HTT: variants seen among roughly 807,000 people sequenced by gnomAD.
The protein encoded by HTT is huntingtin.
Under a neutral mutation model 362.3 loss-of-function variants are expected in HTT, and 104 were observed. That is an observed-to-expected ratio of 0.29 (90% confidence interval 0.24 to 0.34). The LOEUF is 0.34. Ranked by LOEUF, HTT falls within the 10% of genes least tolerant of loss-of-function variation. The pLI is 1.00. For synonymous variants in HTT, 1,577 were observed against 1,548.7 expected (o/e 1.02, Z -0.43); for missense variants, 3,301 against 3,928.6 (o/e 0.84, Z 4.27).
chr4:3,121,460 C>G (rs773130618), intron 9 of HTT, 28 bp downstream of exon 9: 1 of 1,518,546 alleles, frequency 6.6e-7, no homozygotes, highest in East Asian at 2.3e-5. Flanking sequence ...TCTACTCTTA[C>G]AATTAACTTT....
rs777646822 is a variant in HTT, at chr4:3,176,025, G to GTTTT, written c.4407+924_4407+927dup. Among the ~76,000 whole-genome samples, 446 of 139,070 alleles carry GTTTT rather than the reference G, an allele frequency of 3.2e-3. 19 individuals carry two copies. The highest frequency in any genetic ancestry group is 0.01 in the African/African-American group (344 of 33,660). The allele number at this position is 139,070 out of a possible 152,430, so 91.2% of individuals were successfully genotyped here. The stretch of plus-strand genomic sequence containing the variant: ...CTTGTTTTTTTTGTTGTTGTTGTTT[G>GTTTT]TTTTTTTTTGTTTTTTTTTTGAGAT... On this transcript the variant is annotated intron_variant, in intron 33 of 66. Coordinates refer to ENST00000355072, the MANE Select transcript of HTT (RefSeq NM_001388492.1).
intron 39 of HTT, chr4:3,188,100 C>T (rs1384161822): frequency 2.0e-6 from 1 of 496,110 alleles, no homozygotes; most frequent in Non-Finnish European, 3.6e-6. Context: ...TGTCTCTTGT[C>T]CTCAGTAGAG....
In HTT at chr4:3,206,839, G is replaced by C; in HGVS notation, c.5931G>C (p.Leu1977Phe). The change falls in exon 44 of 67, where the codon TTG (leucine) becomes TTC (phenylalanine). Residue 1977 changes from leucine (L) to phenylalanine (F), a missense_variant. By Grantham distance (22) the Leu-to-Phe change is conservative (BLOSUM62 0). Around this residue, in one of 4 missense-constraint regions of HTT, gnomAD observed 2,316 missense variants for 2,658.5 expected, o/e 0.87. Transcript: ENST00000355072. The surrounding 1 kb of genome is among the most constrained non-coding windows in gnomAD (Gnocchi z 4.6). ...PTMLKKTLQC[L>F]EGIHLSQSGA... ...TGCTGAAGAAAACTCTTCAGTGCTT[G>C]GAGGGGATCCATCTCAGCCAGTCGG... 1.2e-6 allele frequency: 2 copies of C among 1,610,794 alleles called. No individual in the cohort carries two copies. The highest frequency in any genetic ancestry group is 1.7e-6 in the Non-Finnish European group (2 of 1,177,692).
chr4:3,154,510 TAAA>T (rs1263775318), intron 27 of HTT, 91 bp downstream of exon 27: 6 of 1,503,170 alleles, frequency 4.0e-6, no homozygotes, highest in Non-Finnish European at 5.4e-6. Flanking sequence ...TTTAGAGAAA[TAAA>T]TATAATACAC....
At chr4:3,099,192 C>A in intron 2 of HTT, 82 bp from the exon 3 acceptor site, 1 of 874,482 alleles carries the variant, frequency 1.1e-6, no homozygotes, top group Non-Finnish European at 1.8e-6. Context: ...GAATTCCATG[C>A]AGGACACCGG....
chr4:3,210,087 A>C (rs896282418), intron 47 of HTT, 138 bp downstream of exon 47: 1 of 1,075,032 alleles, frequency 9.3e-7, no homozygotes, highest in African/African-American at 1.6e-5. Context: ...GGGATGTCGG[A>C]GAGACTCCAC....
intron 2 of HTT, among the ~76,000 whole-genome samples, chr4:3,094,641 CCGGACGGGGCGGG>C (rs1713732019): frequency 1.4e-5 from 2 of 142,138 alleles, no homozygotes; most frequent in African/African-American, 2.7e-5. Flanking sequence ...CCCCCACCTC[CCGGACGGGGCGGG>C]TGGCCGGGCG....
chr4:3,088,168 G>A (rs1713309948), intron 2 of HTT, among the ~76,000 whole-genome samples: 2 of 147,308 alleles, frequency 1.4e-5, no homozygotes, highest in South Asian at 2.2e-4. Context: ...ATTTCCTCTT[G>A]GCCATTGCTT....
In HTT at chr4:3,229,994, T is replaced by C. The variant is rs754217156; in HGVS notation, c.8217T>C (p.Ala2739=). The C allele has an allele frequency of 1.2e-6, 2 of 1,614,060 alleles. No homozygotes were observed. The highest frequency in any genetic ancestry group is 1.1e-5 in the South Asian group (1 of 91,086). ...ACCCTTCAGAAGACGAGATCCTCGCTCAGTACCTGGTGCCTGCCACCTGCA... is the reference window on the plus strand; with the variant it reads ...ACCCTTCAGAAGACGAGATCCTCGCCCAGTACCTGGTGCCTGCCACCTGCA... The part of the protein sequence containing the change: ...RVHPSEDEIL[A]QYLVPATCKA... The change falls in exon 60 of 67, where the codon GCT becomes GCC. Residue 2739 remains alanine, a synonymous_variant. Transcript: ENST00000355072.
At chr4:3,116,297 GT>G in intron 8 of HTT, 34 bp downstream of exon 8, 3 of 1,530,796 alleles carry the variant, frequency 2.0e-6, no homozygotes, top group Non-Finnish European at 2.7e-6. Flanking sequence ...GGCCCTGCAT[GT>G]GAATGACTGA....
At chr4:3,097,922 A>G (rs1456938352) in intron 2 of HTT, among the ~76,000 whole-genome samples, 1 of 152,202 alleles carries the variant, frequency 6.6e-6, no homozygotes, top group African/African-American at 2.4e-5. Context: ...AGGTTTTCTG[A>G]TGAAAATTTA....
chr4:3,103,806 T>A lies in HTT; in HGVS notation c.469-18T>A. On this transcript the variant is annotated intron_variant, in intron 3 of 66. Transcript: ENST00000355072. ...TGATGGGATGTGTCTTCCATAAATC[T>A]CTTGTGATTTGTTGTAGGCTTTGAT... The A allele has an allele frequency of 2.6e-6, 4 of 1,537,302 alleles. No homozygotes were observed. The highest frequency in any genetic ancestry group is 3.6e-6 in the Non-Finnish European group (4 of 1,113,518).
chr4:3,240,068 G>T lies in HTT; in HGVS notation c.*9G>T, dbSNP rs773493298. The T allele has an allele frequency of 6.3e-7, 1 of 1,575,852 alleles. No individual in the cohort carries two copies. The highest frequency in any genetic ancestry group is 2.3e-5 in the East Asian group (1 of 43,724). On this transcript the variant is annotated 3_prime_UTR_variant, in exon 67 of 67. Transcript: ENST00000355072. ...AGGTCACCACCTGCTGAGCGCCATG[G>T]TGGGAGAGACTGTGAGGCGGCAGCT...
chr4:3,123,955 G>A (rs897422631), intron 10 of HTT, among the ~76,000 whole-genome samples: 77 of 152,132 alleles, frequency 5.1e-4, no homozygotes, highest in African/African-American at 1.8e-3. Flanking sequence ...TTTGTGTCAT[G>A]ATTTGAGTAT....
chr4:3,178,949 C>G (rs889911092), intron 35 of HTT, among the ~76,000 whole-genome samples: 1 of 152,158 alleles, frequency 6.6e-6, no homozygotes, highest in Non-Finnish European at 1.5e-5. Flanking sequence ...GCTGTGCAAG[C>G]CCCCAGCCTG....
chr4:3,191,747 A>G (rs1719022637), intron 40 of HTT, among the ~76,000 whole-genome samples: 1 of 152,222 alleles, frequency 6.6e-6, no homozygotes, highest in Admixed American at 6.5e-5. Flanking sequence ...AGAACTAAAC[A>G]TGTAATTCAG....
intron 2 of HTT, among the ~76,000 whole-genome samples, chr4:3,095,107 T>G (rs990821386): frequency 2.6e-5 from 4 of 152,144 alleles, no homozygotes; most frequent in Admixed American, 2.6e-4. Context: ...GAAACGCTCC[T>G]CACTTCCTAG....
Position 3,074,938 on chromosome 4 carries a change from A to AGCAGCAGCC in HTT, c.115_116insAGCAGCCGC (p.Gln38_Pro39insGlnGlnPro). 1 of 1,266,786 alleles carries AGCAGCAGCC rather than the reference A, an allele frequency of 7.9e-7. No homozygotes were observed. 78.5% of individuals were successfully genotyped at this position (1,266,786 alleles called of 1,614,324 possible). ...CAGCAGCAGCAGCAGCAGCAGCAAC[A>AGCAGCAGCC]GCCGCCACCGCCGCCGCCGCCGCCG... On this transcript the variant is annotated inframe_insertion, in exon 1 of 67. Transcript: ENST00000355072.
chr4:3,184,114 G>T (rs752760924), intron 37 of HTT, among the ~76,000 whole-genome samples: 1 of 152,026 alleles, frequency 6.6e-6, no homozygotes, highest in South Asian at 2.1e-4. Flanking sequence ...TGGTGTCTGC[G>T]GTGGGAGTGG....
Sources: allele counts gnomAD v4.1 joint callset (sites outside exome capture counted in the v4.1 genomes callset), GRCh38; gene constraint gnomAD v4.1.1; regional missense constraint gnomAD v4.1.1; non-coding constraint Gnocchi (gnomAD v3.1); transcripts MANE v1.5; gene names NCBI Gene and HGNC (gene_info 2026-07-23, HGNC 2026-07-21).